Variants in SOX6 observed in about 807,000 individuals in gnomAD.
SOX6 encodes transcription factor SOX-6.
Under a neutral mutation model 97.8 loss-of-function variants are expected in SOX6, and 11 were observed. That is an observed-to-expected ratio of 0.11 (90% CI 0.07 to 0.19). SOX6 has a LOEUF of 0.19. SOX6 is among the 10% of genes least tolerant of loss of function. The pLI is 1.00. For missense variants in SOX6, 810 were observed against 1,039.5 expected (o/e 0.78, Z 3.04); for synonymous variants, 360 against 371.4 (o/e 0.97, Z 0.35).
At chr11:16,513,080 T>C (rs1460138498) in intron 4 of SOX6, among the ~76,000 whole-genome samples, 1 of 152,218 alleles carries the variant, frequency 6.6e-6, no homozygotes, top group Non-Finnish European at 1.5e-5. Context: ...AAACTCACTT[T>C]CTAGTTTCTA....
At chr11:16,482,529 G>A (rs1481050988) in intron 4 of SOX6, among the ~76,000 whole-genome samples, 2 of 152,182 alleles carry the variant, frequency 1.3e-5, no homozygotes, top group African/African-American at 4.8e-5. Flanking sequence ...GCTCTTGGAA[G>A]CTCAAATTTT....
At chr11:15,973,415 A>G (rs768051150) in intron 15 of SOX6, among the ~76,000 whole-genome samples, 1 of 152,238 alleles carries the variant, frequency 6.6e-6, no homozygotes, top group Non-Finnish European at 1.5e-5. Context: ...CATTAGGAAC[A>G]AATGATGTAG....
chr11:16,655,790 C>T (rs1472589), intron 3 of SOX6, among the ~76,000 whole-genome samples: 25,227 of 151,968 alleles, frequency 0.17, 2,746 homozygotes, highest in East Asian at 0.32. Context: ...CTGGTTAATT[C>T]ACTCATCAGT....
chr11:16,504,886 A>AATT lies in SOX6; in HGVS notation n.610-28501_610-28499dup, dbSNP rs1359749886. On this transcript the variant is annotated intron_variant and non_coding_transcript_variant, in intron 4 of 5. Transcript: ENST00000524520. ...CTGCTTCCCCTTCACTTTCCACCAT[A>AATT]ATTATAAGTTTCCTGAGACCTCCCC... Among the ~76,000 whole-genome samples, 3 of 152,130 alleles carry AATT rather than the reference A, an allele frequency of 2.0e-5. 1 individual carries two copies. Among genetic ancestry groups the AATT allele is most frequent in the Middle Eastern group, 6.3e-3 (2 of 316 alleles).
At chr11:16,641,601 G>T (rs955912466) in intron 3 of SOX6, among the ~76,000 whole-genome samples, 6 of 152,188 alleles carry the variant, frequency 3.9e-5, no homozygotes, top group African/African-American at 1.4e-4. Flanking sequence ...TGTATTGGGT[G>T]CATATATACT....
chr11:16,017,629 A>AT (rs1854928521), intron 12 of SOX6, among the ~76,000 whole-genome samples: 1 of 152,102 alleles, frequency 6.6e-6, no homozygotes, highest in Admixed American at 6.6e-5. Context: ...CTAAGCAAAG[A>AT]TTTTACCAGT....
chr11:16,259,105 GAATT>G (rs1170545349), intron 3 of SOX6, among the ~76,000 whole-genome samples: 1 of 151,464 alleles, frequency 6.6e-6, no homozygotes, highest in African/African-American at 2.4e-5. Flanking sequence ...TAAAGTATTA[GAATT>G]AAGAAATATA....
intron 6 of SOX6, among the ~76,000 whole-genome samples, chr11:16,139,034 A>G (rs1459344441): frequency 6.6e-6 from 1 of 152,124 alleles, no homozygotes; most frequent in East Asian, 1.9e-4. Context: ...ATGTTTCCTT[A>G]TGATTAGATT....
At chr11:16,296,318 C>T (rs1855087724) in intron 3 of SOX6, among the ~76,000 whole-genome samples, 1 of 152,064 alleles carries the variant, frequency 6.6e-6, no homozygotes, top group Non-Finnish European at 1.5e-5. Flanking sequence ...ACTCTCACAA[C>T]ACCCCAGTTT....
intron 3 of SOX6, among the ~76,000 whole-genome samples, chr11:16,633,365 A>G (rs1040962422): frequency 5.9e-5 from 9 of 152,208 alleles, no homozygotes; most frequent in East Asian, 1.9e-4. Flanking sequence ...CTCTTTATAT[A>G]TTCTCTGAAA....
chr11:16,629,232 C>T (rs773019588), intron 3 of SOX6, among the ~76,000 whole-genome samples: 2 of 152,076 alleles, frequency 1.3e-5, no homozygotes, highest in Non-Finnish European at 2.9e-5. Flanking sequence ...GGCTGTGGTG[C>T]GTAATAGATG....
At chr11:16,022,327 C>T (rs868484022) in intron 12 of SOX6, among the ~76,000 whole-genome samples, 41 of 116,144 alleles carry the variant, frequency 3.5e-4, no homozygotes, top group Middle Eastern at 4.7e-3. Context: ...TCCTTCCTTC[C>T]TTCTTTCCTT....
intron 1 of SOX6, among the ~76,000 whole-genome samples, chr11:16,426,606 G>A (rs892006383): frequency 1.6e-4 from 25 of 151,764 alleles, no homozygotes; most frequent in African/African-American, 5.1e-4. Context: ...CTAGCCATAC[G>A]CAGAAGATTA....
chr11:16,568,898 C>T (rs1390991542), intron 4 of SOX6, among the ~76,000 whole-genome samples: 3 of 152,178 alleles, frequency 2.0e-5, no homozygotes, highest in Non-Finnish European at 4.4e-5. Context: ...TCTCCCATCC[C>T]GCAATTGTGA....
chr11:16,443,243 G>A (rs1284019423), intron 1 of SOX6, among the ~76,000 whole-genome samples: 3 of 152,014 alleles, frequency 2.0e-5, no homozygotes, highest in Admixed American at 6.6e-5. Flanking sequence ...TCAATTCTAA[G>A]ACTAATCTGC....
chr11:16,642,109 C>G (rs1407838456), intron 3 of SOX6, among the ~76,000 whole-genome samples: 2 of 152,152 alleles, frequency 1.3e-5, no homozygotes, highest in Non-Finnish European at 2.9e-5. Context: ...CTGGTGGTGA[C>G]AAAATCTCTC....
At chr11:16,283,744 G>T (rs1854649686) in intron 3 of SOX6, 1 of 253,572 alleles carries the variant, frequency 3.9e-6, no homozygotes, top group Middle Eastern at 7.9e-4. Flanking sequence ...AACAAAGAAT[G>T]ATTATATTTA....
intron 12 of SOX6, among the ~76,000 whole-genome samples, chr11:16,042,031 CT>C (rs1855682552): frequency 6.6e-6 from 1 of 152,196 alleles, no homozygotes; most frequent in South Asian, 2.1e-4. Flanking sequence ...TGAGCATCTT[CT>C]GAGCAAGCTA....
intron 9 of SOX6, among the ~76,000 whole-genome samples, chr11:16,095,252 G>A (rs987030029): frequency 3.3e-5 from 5 of 151,750 alleles, no homozygotes; most frequent in African/African-American, 7.3e-5. Context: ...GAGGGACCCC[G>A]GTGAGGCAGA....
Sources: gnomAD v4.1 joint callset for allele counts (sites outside exome capture counted in the v4.1 genomes callset) on GRCh38, gnomAD v4.1.1 for gene constraint, MANE v1.5 for transcripts, NCBI Gene and HGNC (gene_info 2026-07-23, HGNC 2026-07-21) for gene names.